The following MAG variants were observed in gnomAD, a reference collection of about 807,000 sequenced individuals.
MAG encodes myelin-associated glycoprotein.
MAG carries 30 observed loss-of-function variants against 60.7 expected under a neutral mutation model. The observed-to-expected ratio is 0.49, with a 90% CI of 0.37 to 0.67. MAG has a LOEUF of 0.67. Among genes scored for constraint, MAG ranks in the 30% least tolerant of loss-of-function variants. The probability of loss-of-function intolerance (pLI) is 0.00; values close to 1 mark genes in which losing one functional copy is unlikely to be tolerated. For missense variants in MAG, 795 were observed against 851.7 expected (o/e 0.93, Z 0.83); for synonymous variants, 384 against 376.8 (o/e 1.02, Z -0.22).
intron 10 of MAG, among the ~76,000 whole-genome samples, chr19:35,313,080 A>C (rs1421327191): frequency 6.6e-6 from 1 of 152,202 alleles, no homozygotes; most frequent in African/African-American, 2.4e-5. Flanking sequence ...GGCAAATTTC[A>C]AGTTCAGCAA....
chr19:35,305,525 A>G (rs1035395187), intron 7 of MAG, among the ~76,000 whole-genome samples: 3 of 152,216 alleles, frequency 2.0e-5, no homozygotes, highest in African/African-American at 7.2e-5. Context: ...TCCAGTCCCA[A>G]CAGGGCTGAA....
In MAG at chr19:35,293,737, G is replaced by C. The variant is rs2066374797; in HGVS notation, c.-79-498G>C. On this transcript the variant is annotated intron_variant, in intron 1 of 10. Transcript: ENST00000392213. The surrounding 1 kb of genome is among the most constrained non-coding windows in gnomAD (Gnocchi z 4.0). ...TTCTTACTCCCCACTTACCCTGAAA[G>C]CCCCCCGCAGGCTAAAACACCCTCT... is the stretch of plus-strand genomic sequence containing the variant. Among the ~76,000 whole-genome samples, 1 of 151,906 alleles carries C rather than the reference G, an allele frequency of 6.6e-6. No homozygotes were observed.
intron 7 of MAG, 119 bp from the exon 8 acceptor site, chr19:35,309,755 T>C: frequency 9.4e-7 from 1 of 1,060,930 alleles, no homozygotes; most frequent in South Asian, 1.4e-5. Flanking sequence ...TGGAGGGCCC[T>C]ACAGGAAGCT....
In MAG at chr19:35,295,879, A is replaced by G. The variant is rs201136056; in HGVS notation, c.313A>G (p.Ser105Gly). ...LGLRNCTLLLSNVSPELGGKY... is the reference protein window; with the variant it reads ...LGLRNCTLLLGNVSPELGGKY... ...CCTGCGAAACTGCACCCTCCTGCTC[A>G]GCAACGTCAGCCCCGAGCTGGGCGG... is the stretch of plus-strand genomic sequence containing the variant. The change falls in exon 4 of 11, where the codon AGC becomes GGC. Residue 105 changes from serine to glycine, a missense_variant. Coordinates refer to ENST00000392213, the MANE Select transcript of MAG (RefSeq NM_002361.4). This position sits in a 1 kb window ranked among gnomAD's most constrained non-coding sequence, Gnocchi z 5.8. 1.2e-6 allele frequency: 2 copies of G among 1,614,036 alleles called. No homozygotes were observed. Among genetic ancestry groups the G allele is most frequent in the Non-Finnish European group, 1.7e-6 (2 of 1,179,998 alleles).
In MAG at chr19:35,302,493, A is replaced by AG. The variant is rs1327148569; in HGVS notation, c.1021dup (p.Glu341GlyfsTer47). Reference sequence around the variant, plus strand: ...GTGAACGGGACAATGGTGGCCGTAGAGGGGGAGACGGTCTCTATCTTGTGC... The same window carrying AG: ...GTGAACGGGACAATGGTGGCCGTAGAGGGGGGAGACGGTCTCTATCTTGTGC... On this transcript the variant is annotated frameshift_variant, in exon 7 of 11. Coordinates refer to ENST00000392213, the MANE Select transcript of MAG (RefSeq NM_002361.4). LOFTEE classifies it high-confidence loss of function. The AG allele has an allele frequency of 6.2e-7, 1 of 1,614,174 alleles. No individual in the cohort carries two copies. The highest frequency in any genetic ancestry group is 8.5e-7 in the Non-Finnish European group (1 of 1,180,042).
chr19:35,303,799 A>C (rs2066465435), intron 7 of MAG, among the ~76,000 whole-genome samples: 1 of 149,192 alleles, frequency 6.7e-6, no homozygotes, highest in African/African-American at 2.5e-5. Context: ...ATCTCCCACC[A>C]CCCCTACCCC....
chr19:35,300,883 C>T (rs2066443856), intron 6 of MAG, among the ~76,000 whole-genome samples: 1 of 152,172 alleles, frequency 6.6e-6, no homozygotes, highest in Non-Finnish European at 1.5e-5. Flanking sequence ...GTGTGCACCA[C>T]CACACTCCAG....
chr19:35,310,295 G>T, intron 8 of MAG, 134 bp downstream of exon 8: 6 of 1,259,358 alleles, frequency 4.8e-6, no homozygotes, highest in East Asian at 2.5e-5. Context: ...CTCCCTTTCC[G>T]GTTGGAGAGG....
chr19:35,310,075 G>C lies in MAG; in HGVS notation c.1433G>C (p.Gly478Ala), dbSNP rs747819395. The change falls in exon 8 of 11, where the codon GGG (glycine) becomes GCG (alanine). Residue 478 changes from glycine to alanine, a missense_variant. Transcript: ENST00000392213. ...LVLTSILTLR[G>A]QAQAPPRVIC... ...CTCACCAGCATCCTCACGCTGCGGG[G>C]GCAGGCCCAGGCCCCGCCCCGCGTC... 5 of 1,613,310 alleles carry C rather than the reference G, an allele frequency of 3.1e-6. No homozygotes were observed. Among genetic ancestry groups the C allele is most frequent in the Admixed American group, 3.3e-5 (2 of 59,992 alleles).
intron 7 of MAG, among the ~76,000 whole-genome samples, chr19:35,308,039 T>C (rs949251727): frequency 1.3e-5 from 2 of 152,032 alleles, no homozygotes; most frequent in Non-Finnish European, 2.9e-5. Context: ...CCCTTCTACG[T>C]GTGGGGCCCA....
chr19:35,300,880 C>A (rs1269077941), intron 6 of MAG, among the ~76,000 whole-genome samples: 1 of 152,150 alleles, frequency 6.6e-6, no homozygotes, highest in Non-Finnish European at 1.5e-5. Flanking sequence ...CAGGTGTGCA[C>A]CACCACACTC....
At position 35,309,983 on chromosome 19, in the gene MAG, A is replaced by G. The variant is rs2145624878; in HGVS notation, c.1341A>G (p.Pro447=). The G allele has an allele frequency of 1.9e-6, 3 of 1,614,048 alleles. No homozygotes were observed. ...NPEPSVAFEL[P]SRNVTVNESE... Reference sequence around the variant, plus strand: ...AGCCGTCCGTGGCCTTTGAGCTGCCATCGCGCAATGTGACCGTGAACGAGA... The same window carrying G: ...AGCCGTCCGTGGCCTTTGAGCTGCCGTCGCGCAATGTGACCGTGAACGAGA... The change falls in exon 8 of 11, where the codon CCA becomes CCG. Residue 447 remains proline, a synonymous_variant. Transcript: ENST00000392213.
chr19:35,299,275 C>A (rs1428659641), intron 4 of MAG, among the ~76,000 whole-genome samples: 3 of 152,148 alleles, frequency 2.0e-5, no homozygotes, highest in African/African-American at 7.2e-5. Context: ...TCTCGCTTTG[C>A]GGGAGGGACT....
chr19:35,312,058 C>A, intron 10 of MAG, 41 bp downstream of exon 10: 1 of 1,570,920 alleles, frequency 6.4e-7, no homozygotes, highest in South Asian at 1.1e-5. Flanking sequence ...ACCTGGATGC[C>A]AGGGACACTG....
chr19:35,295,561 G>A lies in MAG; in HGVS notation c.47-52G>A. ...GTGGTTGGGGATGGGAGCCGGAGGG[G>A]GTGATCGGGTAGGACGTGTCCCTGA... On this transcript the variant is annotated intron_variant, in intron 3 of 10. Transcript: ENST00000392213. This position sits in a 1 kb window ranked among gnomAD's most constrained non-coding sequence, Gnocchi z 5.8. The A allele has an allele frequency of 6.3e-7, 1 of 1,596,894 alleles. No homozygotes were observed. Among genetic ancestry groups the A allele is most frequent in the Non-Finnish European group, 8.5e-7 (1 of 1,172,028 alleles).
At chr19:35,312,606 G>A (rs558175527) in intron 10 of MAG, 13 of 570,118 alleles carry the variant, frequency 2.3e-5, no homozygotes, top group East Asian at 5.8e-5. Flanking sequence ...GATTGAGGGC[G>A]GACCCATGCA....
Position 35,311,877 on chromosome 19 carries a change from A to G in MAG, c.1617-41A>G, listed in dbSNP as rs778909268. ...CTCCTAAAACACGTGGGGGTGCAGAAAGGGAGGGCAGAGAGAGGTCTGACG... is the reference window on the plus strand; with the variant it reads ...CTCCTAAAACACGTGGGGGTGCAGAGAGGGAGGGCAGAGAGAGGTCTGACG... On this transcript the variant is annotated intron_variant, in intron 9 of 10. Transcript: ENST00000392213. 2.8e-6 allele frequency: 4 copies of G among 1,434,284 alleles called. No homozygotes were observed. The Admixed American group carries it at 7.1e-5, about 26-fold the overall frequency. 88.8% of individuals were successfully genotyped at this position (1,434,284 alleles called of 1,614,324 possible). A position where few individuals can be genotyped will look rare whatever the true frequency, so the allele number is the denominator to read the frequency against.
chr19:35,312,524 C>T, intron 10 of MAG: 1 of 573,928 alleles, frequency 1.7e-6, no homozygotes, highest in Non-Finnish European at 3.1e-6. Flanking sequence ...TGTCCAAATT[C>T]CTGTGGCTAG....
intron 5 of MAG, 21 bp downstream of exon 5, chr19:35,299,871 G>A: frequency 1.2e-6 from 1 of 839,694 alleles, no homozygotes; most frequent in Non-Finnish European, 1.7e-6. Flanking sequence ...GTGCGGGCGG[G>A]GCGGGGTGGG....
Sources: gnomAD v4.1 joint callset for allele counts (sites outside exome capture counted in the v4.1 genomes callset) on GRCh38, gnomAD v4.1.1 for gene constraint, Gnocchi (gnomAD v3.1) non-coding constraint, MANE v1.5 for transcripts, NCBI Gene and HGNC (gene_info 2026-07-23, HGNC 2026-07-21) for gene names.